The following EPB41L4A variants were observed in gnomAD, a reference collection of about 807,000 sequenced individuals.
The protein encoded by EPB41L4A is erythrocyte membrane protein band 4.1 like 4A, also known as band 4.1-like protein 4A.
In EPB41L4A, 100 loss-of-function variants were observed where a neutral mutation model predicts 108.6. The observed-to-expected ratio is 0.92, with a 90% CI of 0.78 to 1.09. The LOEUF (loss-of-function observed/expected upper bound fraction) is 1.09. EPB41L4A is among the 50% of genes least tolerant of loss of function. The pLI, the probability that EPB41L4A is intolerant of heterozygous loss-of-function variation, is 0.00. For synonymous variants in EPB41L4A, 319 were observed against 289.0 expected (o/e 1.10, Z -1.05); for missense variants, 1,030 against 842.7 (o/e 1.22, Z -2.75).
intron 9 of EPB41L4A, chr5:112,249,096 G>C (rs1268370425): frequency 6.6e-6 from 1 of 152,158 alleles, no homozygotes; most frequent in Non-Finnish European, 1.5e-5. Context: ...GTACTTCTAA[G>C]AAAAGTAAAA....
exon 14 of EPB41L4A, chr5:112,143,826 T>G (rs1204375265): frequency 2.2e-6 from 1 of 454,638 alleles, no homozygotes; most frequent in Admixed American, 2.4e-5. Flanking sequence ...GGGCTCTCTG[T>G]CCACATCACT....
intron 2 of EPB41L4A, among the ~76,000 whole-genome samples, chr5:112,303,671 A>T (rs940874788): frequency 3.3e-5 from 5 of 152,214 alleles, no homozygotes; most frequent in Non-Finnish European, 5.9e-5. Context: ...AAGGTCAAGT[A>T]AGACAAGGAC....
At chr5:112,270,036 G>A (rs1199719115) in intron 4 of EPB41L4A, among the ~76,000 whole-genome samples, 1 of 152,130 alleles carries the variant, frequency 6.6e-6, no homozygotes, top group Non-Finnish European at 1.5e-5. Flanking sequence ...GAGCTAAATT[G>A]ACACCAAGGA....
chr5:112,306,416 C>T (rs896196273), intron 2 of EPB41L4A, among the ~76,000 whole-genome samples: 40 of 152,176 alleles, frequency 2.6e-4, no homozygotes, highest in African/African-American at 9.1e-4. Context: ...TTATGAAATC[C>T]TCCTGTGAAA....
Position 112,172,156 on chromosome 5 carries a change from G to A in EPB41L4A, c.1623-1164C>T, listed in dbSNP as rs950007753. On this transcript the variant is annotated intron_variant, in intron 18 of 22. Transcript: ENST00000261486. ...GAGACAAAACATGAAAAGGAAAAAG[G>A]GATGAAATCTTGGTCTCAGACCAAA... Among the ~76,000 whole-genome samples, 7 of 152,054 alleles carry A rather than the reference G, an allele frequency of 4.6e-5. No individual in the cohort carries two copies. In the South Asian group the frequency reaches 1.5e-3, roughly 32 times the overall value.
chr5:112,338,183 A>G (rs141180016), intron 1 of EPB41L4A, among the ~76,000 whole-genome samples: 4 of 152,310 alleles, frequency 2.6e-5, no homozygotes, highest in African/African-American at 9.6e-5. Context: ...TGACATTTGA[A>G]GCTGACTTTA....
chr5:112,291,076 G>C (rs1753608689), intron 2 of EPB41L4A, among the ~76,000 whole-genome samples: 2 of 152,124 alleles, frequency 1.3e-5, no homozygotes, highest in South Asian at 4.1e-4. Context: ...GATGTCAAAT[G>C]GGTGTTTCAA....
chr5:112,341,777 T>C (rs570412114), intron 1 of EPB41L4A, among the ~76,000 whole-genome samples: 25 of 109,980 alleles, frequency 2.3e-4, no homozygotes, highest in South Asian at 3.4e-4. Flanking sequence ...CACACACACA[T>C]ACACACACAC....
intron 2 of EPB41L4A, among the ~76,000 whole-genome samples, chr5:112,288,921 A>G (rs915356956): frequency 6.6e-6 from 1 of 151,746 alleles, no homozygotes; most frequent in Non-Finnish European, 1.5e-5. Flanking sequence ...TGGAGATGGT[A>G]TATCTTAAGC....
chr5:112,193,539 G>C (rs562325273), intron 17 of EPB41L4A, among the ~76,000 whole-genome samples: 88 of 152,332 alleles, frequency 5.8e-4, no homozygotes, highest in Non-Finnish European at 1.1e-3. Flanking sequence ...AACCTCAGGT[G>C]ATCTGCCTGC....
intron 3 of EPB41L4A, among the ~76,000 whole-genome samples, chr5:112,277,920 T>C (rs966455709): frequency 9.2e-5 from 14 of 152,218 alleles, no homozygotes; most frequent in African/African-American, 2.2e-4. Flanking sequence ...GAAACTCTTA[T>C]GTAAAGTGAA....
intron 1 of EPB41L4A, among the ~76,000 whole-genome samples, chr5:112,372,427 CAG>C (rs2112551760): frequency 6.6e-6 from 1 of 152,128 alleles, no homozygotes; most frequent in Admixed American, 6.5e-5. Flanking sequence ...TGGGTGGGGA[CAG>C]AGAGCCAAAA....
chr5:112,225,543 T>C (rs551292107), intron 12 of EPB41L4A, among the ~76,000 whole-genome samples: 274 of 152,292 alleles, frequency 1.8e-3, no homozygotes, highest in African/African-American at 6.3e-3. Flanking sequence ...TGAAAAGTGC[T>C]TGGTAAAAAT....
intron 4 of EPB41L4A, 29 bp downstream of exon 4, chr5:112,275,297 T>A: frequency 2.0e-6 from 3 of 1,524,484 alleles, no homozygotes; most frequent in Middle Eastern, 1.7e-4. Flanking sequence ...AATGCATGTA[T>A]CTGTTCAAAA....
At chr5:112,212,835 A>C (rs760230485) in intron 12 of EPB41L4A, among the ~76,000 whole-genome samples, 1 of 152,164 alleles carries the variant, frequency 6.6e-6, no homozygotes, top group Non-Finnish European at 1.5e-5. Context: ...AACTAGCTTA[A>C]GAAAAGACCT....
chr5:112,385,517 A>G (rs1174520049), intron 1 of EPB41L4A, among the ~76,000 whole-genome samples: 1 of 151,740 alleles, frequency 6.6e-6, no homozygotes, highest in Non-Finnish European at 1.5e-5. Flanking sequence ...CAAAAAAAAA[A>G]AAAAAAAAAA....
chr5:112,408,823 A>G (rs1762246815), intron 1 of EPB41L4A, among the ~76,000 whole-genome samples: 1 of 151,992 alleles, frequency 6.6e-6, no homozygotes, highest in African/African-American at 2.4e-5. Flanking sequence ...ATGATAATAA[A>G]AAAAGATTTA....
At chr5:112,263,149 G>C (rs1055981996) in intron 6 of EPB41L4A, among the ~76,000 whole-genome samples, 2 of 152,146 alleles carry the variant, frequency 1.3e-5, no homozygotes, top group African/African-American at 4.8e-5. Flanking sequence ...CTTCATTGGT[G>C]GTAATATAAA....
chr5:112,163,812 CA>C lies in EPB41L4A; in HGVS notation c.*1177del, dbSNP rs528574200. The C allele has an allele frequency of 3.0e-4, 45 of 152,144 alleles. No individual in the cohort carries two copies. The highest frequency in any genetic ancestry group is 1.1e-3 in the African/African-American group (45 of 41,508). The allele number at this position is 152,144 out of a possible 1,614,324, so 9.4% of individuals were successfully genotyped here. ...TAGTCTTAAATTTAAAACCAAGTAG[CA>C]AGGATCTAGCTGAGAGAATAATTGA... On this transcript the variant is annotated 3_prime_UTR_variant, in exon 23 of 23. Coordinates refer to ENST00000261486, the MANE Select transcript of EPB41L4A (RefSeq NM_022140.5).
Sources: gnomAD v4.1 joint callset for allele counts (sites outside exome capture counted in the v4.1 genomes callset) on GRCh38, gnomAD v4.1.1 for gene constraint, MANE v1.5 for transcripts, NCBI Gene and HGNC (gene_info 2026-07-23, HGNC 2026-07-21) for gene names.